Variants in WDR47 observed in about 807,000 individuals in gnomAD.
The protein encoded by WDR47 is WD repeat-containing protein 47.
WDR47 carries 32 observed loss-of-function variants against 97.2 expected under a neutral mutation model. That is an observed-to-expected ratio of 0.33 (90% confidence interval 0.25 to 0.44). The LOEUF (loss-of-function observed/expected upper bound fraction) is 0.44, where lower values mean the gene tolerates loss of function less well. Ranked by LOEUF, WDR47 falls within the 20% of genes least tolerant of loss-of-function variation. WDR47 has a pLI of 1.00. For missense variants in WDR47, 782 were observed against 1,102.3 expected (o/e 0.71, Z 4.11); for synonymous variants, 375 against 373.5 (o/e 1.00, Z -0.05).
At chr1:109,025,936 G>A (rs939250873) in intron 1 of WDR47, among the ~76,000 whole-genome samples, 3 of 152,020 alleles carry the variant, frequency 2.0e-5, no homozygotes, top group Non-Finnish European at 2.9e-5. Flanking sequence ...ACCCAACTCC[G>A]CATGCTTTAG....
intron 1 of WDR47, among the ~76,000 whole-genome samples, chr1:109,034,854 T>C (rs1216257159): frequency 3.3e-5 from 5 of 152,118 alleles, no homozygotes; most frequent in African/African-American, 1.2e-4. Flanking sequence ...GAAAAGTGCA[T>C]CACAGAATAG....
chr1:109,002,134 G>T, intron 7 of WDR47, 90 bp downstream of exon 7: 1 of 1,381,932 alleles, frequency 7.2e-7, no homozygotes, highest in Non-Finnish European at 9.6e-7. Flanking sequence ...GCCTTAAAAT[G>T]TCAAACTATA....
In WDR47 at chr1:108,971,395, G is replaced by A. The variant is rs1396441713; in HGVS notation, c.*35C>T. 6.2e-7 allele frequency: 1 copy of A among 1,612,700 alleles called. No homozygotes were observed. The highest frequency in any genetic ancestry group is 2.2e-5 in the East Asian group (1 of 44,846). ...CACAACTCAGTAGTCTTAAGTCTCT[G>A]TGCTTTTGCTGCATAGACTGACATG... is the stretch of plus-strand genomic sequence containing the variant. On this transcript the variant is annotated 3_prime_UTR_variant, in exon 15 of 15. Coordinates refer to ENST00000369962, the MANE Select transcript of WDR47 (RefSeq NM_001142551.2).
intron 13 of WDR47, 77 bp from the exon 14 acceptor site, chr1:108,974,831 G>T: frequency 9.3e-7 from 1 of 1,076,842 alleles, no homozygotes; most frequent in Non-Finnish European, 1.4e-6. Flanking sequence ...TATGTCCATT[G>T]AACCATATAC....
intron 13 of WDR47, among the ~76,000 whole-genome samples, chr1:108,977,045 T>TG (rs1657958130): frequency 6.6e-6 from 1 of 152,102 alleles, no homozygotes; most frequent in Non-Finnish European, 1.5e-5. Flanking sequence ...GGAGCACAAG[T>TG]GAAAGTGTAT....
chr1:109,013,023 G>A (rs1019182121), intron 4 of WDR47, among the ~76,000 whole-genome samples: 10 of 152,082 alleles, frequency 6.6e-5, no homozygotes, highest in African/African-American at 2.4e-4. Flanking sequence ...TGGAAAAGTA[G>A]GGCCTTTGGG....
At chr1:108,973,323 A>C (rs973542758) in intron 14 of WDR47, among the ~76,000 whole-genome samples, 3 of 152,110 alleles carry the variant, frequency 2.0e-5, no homozygotes, top group African/African-American at 7.2e-5. Flanking sequence ...CCTAGTCACT[A>C]TCTCCCTACC....
intron 14 of WDR47, among the ~76,000 whole-genome samples, chr1:108,973,080 C>T (rs1050732681): frequency 6.6e-6 from 1 of 152,112 alleles, no homozygotes; most frequent in Non-Finnish European, 1.5e-5. Context: ...GTTCCTACTT[C>T]AGCATCTTTA....
At chr1:109,006,001 A>C (rs1456756070) in intron 5 of WDR47, among the ~76,000 whole-genome samples, 1 of 152,228 alleles carries the variant, frequency 6.6e-6, no homozygotes, top group African/African-American at 2.4e-5. Context: ...ACAATGCCTA[A>C]ATTATCTTTA....
intron 10 of WDR47, 71 bp downstream of exon 10, chr1:108,986,452 C>A: frequency 7.3e-7 from 1 of 1,374,242 alleles, no homozygotes. Context: ...AATGGCAATT[C>A]TGAAAAAGGA....
At chr1:109,011,864 C>T in intron 4 of WDR47, 146 bp from the exon 5 acceptor site, 2 of 752,544 alleles carry the variant, frequency 2.7e-6, no homozygotes, top group South Asian at 2.3e-5. Flanking sequence ...AAGATAGGAA[C>T]ATAATGTTTT....
chr1:109,002,497 A>G, intron 6 of WDR47, 95 bp from the exon 7 acceptor site: 1 of 993,230 alleles, frequency 1.0e-6, no homozygotes, highest in Non-Finnish European at 1.4e-6. Flanking sequence ...AAAATATACA[A>G]TTAGCTATAT....
rs781711923 is a variant in WDR47 at position 109,011,727 on chromosome 1, A to C, written c.328-9T>G. 1.9e-6 allele frequency: 3 copies of C among 1,568,036 alleles called. No individual in the cohort carries two copies. Among genetic ancestry groups the C allele is most frequent in the Non-Finnish European group, 2.6e-6 (3 of 1,158,172 alleles). On this transcript the variant is annotated splice_polypyrimidine_tract_variant and intron_variant, in intron 4 of 14. Coordinates refer to ENST00000369962, the MANE Select transcript of WDR47 (RefSeq NM_001142551.2). ...TGCATGGTAAATTCCAGCTGTAAGA[A>C]AAATATAAATGATCAAATAATCACT...
intron 3 of WDR47, among the ~76,000 whole-genome samples, chr1:109,014,489 C>G (rs1661274928): frequency 6.6e-6 from 1 of 151,352 alleles, no homozygotes; most frequent in South Asian, 2.1e-4. Flanking sequence ...AGCTGGAGTA[C>G]AGTGGCATGA....
intron 10 of WDR47, among the ~76,000 whole-genome samples, chr1:108,985,522 C>T (rs1223384009): frequency 1.3e-5 from 2 of 152,170 alleles, no homozygotes; most frequent in Non-Finnish European, 2.9e-5. Context: ...TATTTGTGTT[C>T]ATTTGCATTA....
chr1:109,003,524 CAG>C (rs1286230260), intron 6 of WDR47, among the ~76,000 whole-genome samples: 1 of 152,130 alleles, frequency 6.6e-6, no homozygotes, highest in African/African-American at 2.4e-5. Flanking sequence ...TTGTTTGAGA[CAG>C]AGTCTCACTC....
rs1662665344 is a variant in WDR47, at chr1:109,032,426, T to C, written c.-9-8905A>G. 2.3e-5 allele frequency among the ~76,000 whole-genome samples: 3 copies of C among 130,646 alleles called. No homozygotes were observed. In the South Asian group the frequency reaches 7.5e-4, roughly 33 times the overall value. 85.7% of individuals were successfully genotyped at this position (130,646 alleles called of 152,430 possible). On this transcript the variant is annotated intron_variant, in intron 1 of 14. Transcript: ENST00000369962. ...GGGAGGCTGAGGCAGGAGAATGGCA[T>C]GAACCCGGGAGGTGGAGCTTGCAGT... is the stretch of plus-strand genomic sequence containing the variant.
In WDR47 at chr1:108,995,788, T is replaced by C; in HGVS notation, c.1483A>G (p.Asn495Asp). The change falls in exon 8 of 15, where the codon AAT (asparagine) becomes GAT (aspartate). Residue 495 changes from asparagine to aspartate, a missense_variant. Physicochemically the swap from Asn to Asp is conservative, Grantham distance 23. Coordinates refer to ENST00000369962, the MANE Select transcript of WDR47 (RefSeq NM_001142551.2). ...TGCTGGTTGAGTGCTGATACCTCATTACCAAGGCCATCCATTCCAATATTT... is the reference window on the plus strand; with the variant it reads ...TGCTGGTTGAGTGCTGATACCTCATCACCAAGGCCATCCATTCCAATATTT... ...ELNIGMDGLG[N>D]EVSALNQQCN... 1 of 1,614,098 alleles carries C rather than the reference T, an allele frequency of 6.2e-7. No individual in the cohort carries two copies. Among genetic ancestry groups the C allele is most frequent in the Non-Finnish European group, 8.5e-7 (1 of 1,180,000 alleles).
At chr1:108,976,547 TC>T (rs1458296900) in intron 13 of WDR47, among the ~76,000 whole-genome samples, 1 of 152,194 alleles carries the variant, frequency 6.6e-6, no homozygotes, top group African/African-American at 2.4e-5. Context: ...CTAAACCTCT[TC>T]TGAAAATAAA....
Sources: allele counts gnomAD v4.1 joint callset (sites outside exome capture counted in the v4.1 genomes callset), GRCh38; gene constraint gnomAD v4.1.1; transcripts MANE v1.5; gene names NCBI Gene and HGNC (gene_info 2026-07-23, HGNC 2026-07-21).